CWF19L2: variants seen among roughly 807,000 people sequenced by gnomAD.
CWF19L2 encodes the protein CWF19-like protein 2.
Under a neutral mutation model 111.7 loss-of-function variants are expected in CWF19L2, and 98 were observed. That is an observed-to-expected ratio of 0.88 (90% CI 0.75 to 1.04). The LOEUF is 1.04. Among genes scored for constraint, CWF19L2 ranks in the 50% least tolerant of loss-of-function variants. The pLI, the probability that CWF19L2 is intolerant of heterozygous loss-of-function variation, is 0.00. For missense variants in CWF19L2, 1,101 were observed against 1,051.4 expected, an observed-to-expected ratio of 1.05 and a Z score of -0.65; for synonymous variants, 351 against 342.9, an observed-to-expected ratio of 1.02 and a Z score of -0.26.
rs1861653728 is a variant in CWF19L2 at position 107,442,997 on chromosome 11, T to C, written c.392A>G (p.Glu131Gly). ...TTCATCTTTCACTTTCCAGGCTTTT[T>C]CCTTGTCAGGAGTCTGGGATGGAAC... The part of the protein sequence containing the change: ...EAVPSQTPDK[E>G]KAWKVKDEKS... The change falls in exon 4 of 18, where the codon GAA becomes GGA. Residue 131 changes from glutamate to glycine, a missense_variant. Coordinates refer to ENST00000282251, the MANE Select transcript of CWF19L2 (RefSeq NM_152434.3). 1 of 1,551,976 alleles carries C rather than the reference T, an allele frequency of 6.4e-7. No individual in the cohort carries two copies. The highest frequency in any genetic ancestry group is 2.0e-5 in the Admixed American group (1 of 50,998).
At chr11:107,412,539 C>A (rs1861172099) in intron 10 of CWF19L2, among the ~76,000 whole-genome samples, 1 of 152,152 alleles carries the variant, frequency 6.6e-6, no homozygotes, top group Non-Finnish European at 1.5e-5. Context: ...CAGGGTTTTG[C>A]CATGTTGGCC....
At chr11:107,409,048 G>T (rs192283766) in intron 10 of CWF19L2, among the ~76,000 whole-genome samples, 4 of 151,062 alleles carry the variant, frequency 2.6e-5, no homozygotes, top group African/African-American at 7.3e-5. Flanking sequence ...TTTTTCTGTT[G>T]TACTGTGCTT....
intron 12 of CWF19L2, among the ~76,000 whole-genome samples, chr11:107,363,582 A>C (rs1860392748): frequency 1.5e-5 from 2 of 136,818 alleles, no homozygotes; most frequent in South Asian, 5.0e-4. Context: ...AAGCTTCCTA[A>C]GTGAAGGAGA....
chr11:107,457,488 G>A (rs1409127394), intron 1 of CWF19L2, among the ~76,000 whole-genome samples: 4 of 152,118 alleles, frequency 2.6e-5, no homozygotes, highest in Non-Finnish European at 5.9e-5. Context: ...TGGAGAAAAA[G>A]CGACAGATCT....
At chr11:107,414,848 A>G (rs187743495) in intron 10 of CWF19L2, among the ~76,000 whole-genome samples, 3 of 152,132 alleles carry the variant, frequency 2.0e-5, no homozygotes, top group African/African-American at 7.2e-5. Flanking sequence ...ACAAAATGCA[A>G]TCACTTCTAA....
rs896956672 is a variant in CWF19L2, at chr11:107,371,372, C to T, written c.1873-17636G>A. The stretch of plus-strand genomic sequence containing the variant: ...AAGATGTAAAAAATCCTAATTCCTA[C>T]CTGAATTCCTTGATAGAAAAGAGAT... On this transcript the variant is annotated intron_variant, in intron 12 of 17. Coordinates refer to ENST00000282251, the MANE Select transcript of CWF19L2 (RefSeq NM_152434.3). 1.5e-5 allele frequency among the ~76,000 whole-genome samples: 2 copies of T among 137,536 alleles called. 1 individual carries two copies. Among genetic ancestry groups the T allele is most frequent in the Non-Finnish European group, 3.1e-5 (2 of 64,238 alleles). 90.2% of individuals were successfully genotyped at this position (137,536 alleles called of 152,430 possible). A position where few individuals can be genotyped will look rare whatever the true frequency, so the allele number is the denominator to read the frequency against.
intron 10 of CWF19L2, among the ~76,000 whole-genome samples, chr11:107,407,602 A>C (rs1170684200): frequency 2.7e-5 from 4 of 150,090 alleles, no homozygotes; most frequent in African/African-American, 9.8e-5. Context: ...TGAGCATTTG[A>C]GGGAATAGAA....
intron 12 of CWF19L2, among the ~76,000 whole-genome samples, chr11:107,380,294 G>A (rs1390062912): frequency 2.0e-5 from 3 of 152,082 alleles, no homozygotes; most frequent in Non-Finnish European, 4.4e-5. Flanking sequence ...TCAAAACTGT[G>A]AAACTATCCT....
At chr11:107,331,987 C>T (rs1442059208) in intron 16 of CWF19L2, among the ~76,000 whole-genome samples, 1 of 152,144 alleles carries the variant, frequency 6.6e-6, no homozygotes, top group Non-Finnish European at 1.5e-5. Context: ...AACTCTGGCA[C>T]CACTCTTTAA....
At chr11:107,338,836 G>A (rs1565243381) in intron 14 of CWF19L2, among the ~76,000 whole-genome samples, 1 of 152,200 alleles carries the variant, frequency 6.6e-6, no homozygotes, top group East Asian at 1.9e-4. Flanking sequence ...CATTTAGGTT[G>A]ATTCCATGTG....
At chr11:107,353,766 G>C in intron 12 of CWF19L2, 30 bp from the exon 13 acceptor site, 1 of 1,564,276 alleles carries the variant, frequency 6.4e-7, no homozygotes, top group Non-Finnish European at 8.8e-7. Context: ...GTAATAGAGA[G>C]TAGAAGGTAG....
intron 14 of CWF19L2, among the ~76,000 whole-genome samples, chr11:107,345,704 A>C (rs1860070768): frequency 6.6e-6 from 1 of 152,174 alleles, no homozygotes; most frequent in Admixed American, 6.5e-5. Flanking sequence ...TTTAATTTAC[A>C]AATATGAGTT....
At chr11:107,339,908 T>C (rs1199273986) in intron 14 of CWF19L2, among the ~76,000 whole-genome samples, 1 of 152,116 alleles carries the variant, frequency 6.6e-6, no homozygotes, top group Non-Finnish European at 1.5e-5. Flanking sequence ...CCTGAGGTGA[T>C]CCACCTGCCT....
At chr11:107,432,085 T>C (rs184969718) in intron 7 of CWF19L2, among the ~76,000 whole-genome samples, 1 of 152,104 alleles carries the variant, frequency 6.6e-6, no homozygotes, top group East Asian at 1.9e-4. Context: ...GAAAAAATAA[T>C]ATGAGGGATT....
At chr11:107,327,136 A>C (rs1859773654) in intron 17 of CWF19L2, 83 bp from the exon 18 acceptor site, 1 of 1,289,688 alleles carries the variant, frequency 7.8e-7, no homozygotes. Context: ...TTATTCTGCT[A>C]TAAAATATAA....
intron 12 of CWF19L2, among the ~76,000 whole-genome samples, chr11:107,380,404 A>G (rs1378473543): frequency 3.9e-5 from 6 of 152,158 alleles, no homozygotes; most frequent in African/African-American, 1.2e-4. Context: ...AAGCTATTAA[A>G]CCACTATGCT....
At position 107,418,139 on chromosome 11, in the gene CWF19L2, A is replaced by G. The variant is rs878889089; in HGVS notation, c.1527+55T>C. 68 of 1,082,464 alleles carry G rather than the reference A, an allele frequency of 6.3e-5. No individual in the cohort carries two copies. In the South Asian group the frequency reaches 6.5e-4, roughly 10 times the overall value. 67.1% of individuals were successfully genotyped at this position (1,082,464 alleles called of 1,614,324 possible). On this transcript the variant is annotated intron_variant, in intron 9 of 17. Coordinates refer to ENST00000282251, the MANE Select transcript of CWF19L2 (RefSeq NM_152434.3). ...TGCTAAGGAACTTCTAAAATTACTC[A>G]TAAGAAGTTAAACATTTAATCATTA...
intron 14 of CWF19L2, among the ~76,000 whole-genome samples, chr11:107,338,796 C>T (rs1859964334): frequency 6.6e-6 from 1 of 152,182 alleles, no homozygotes; most frequent in South Asian, 2.1e-4. Flanking sequence ...ATATGTACCA[C>T]ATTTTTTTAT....
At chr11:107,340,682 T>G (rs529242281) in intron 14 of CWF19L2, among the ~76,000 whole-genome samples, 13 of 152,312 alleles carry the variant, frequency 8.5e-5, no homozygotes, top group Non-Finnish European at 1.8e-4. Flanking sequence ...TGCCTTTCCA[T>G]ATAAAGTTTA....
Sources: gnomAD v4.1 joint callset for allele counts (sites outside exome capture counted in the v4.1 genomes callset) on GRCh38, gnomAD v4.1.1 for gene constraint, MANE v1.5 for transcripts, NCBI Gene and HGNC (gene_info 2026-07-23, HGNC 2026-07-21) for gene names.